The following RIT2 variants were observed in gnomAD, a reference collection of about 807,000 sequenced individuals.
The protein encoded by RIT2 is Ras like without CAAX 2.
RIT2 carries 24 observed loss-of-function variants against 23.7 expected under a neutral mutation model. The ratio of observed to expected loss-of-function variants is 1.01; its 90% confidence interval spans 0.73 to 1.43. RIT2 has a LOEUF of 1.43. RIT2 is among the 40% of genes most tolerant of loss of function. RIT2 has a pLI of 0.00. For missense variants in RIT2, 236 were observed against 266.9 expected (o/e 0.88, Z 0.81); for synonymous variants, 107 against 91.1 (o/e 1.17, Z -0.99).
intron 4 of RIT2, among the ~76,000 whole-genome samples, chr18:42,772,197 C>T (rs566072052): frequency 1.3e-5 from 2 of 152,222 alleles, no homozygotes; most frequent in South Asian, 4.1e-4. Context: ...CACATCAATG[C>T]TAGAATGACA....
At chr18:43,067,501 T>C (rs1279927997) in intron 1 of RIT2, among the ~76,000 whole-genome samples, 1 of 152,166 alleles carries the variant, frequency 6.6e-6, no homozygotes, top group Non-Finnish European at 1.5e-5. Context: ...ATGTAAGATA[T>C]ACATGGGTTC....
intron 4 of RIT2, among the ~76,000 whole-genome samples, chr18:42,778,000 T>G (rs1001741334): frequency 2.0e-5 from 3 of 152,230 alleles, no homozygotes; most frequent in Non-Finnish European, 2.9e-5. Flanking sequence ...TGATCCTCTT[T>G]GCATATTGGT....
chr18:42,960,504 G>A (rs987870136), intron 3 of RIT2, among the ~76,000 whole-genome samples: 8 of 152,002 alleles, frequency 5.3e-5, no homozygotes, highest in Non-Finnish European at 1.2e-4. Context: ...TAGTAGAGAC[G>A]GGGTTTCACC....
intron 4 of RIT2, among the ~76,000 whole-genome samples, chr18:42,760,892 G>A (rs1002997944): frequency 2.0e-5 from 3 of 152,196 alleles, no homozygotes; most frequent in Non-Finnish European, 4.4e-5. Flanking sequence ...ACCACCATGA[G>A]AGGGTAAGGT....
At chr18:42,940,387 T>C (rs546994208) in intron 3 of RIT2, among the ~76,000 whole-genome samples, 9 of 149,116 alleles carry the variant, frequency 6.0e-5, no homozygotes, top group African/African-American at 2.2e-4. Context: ...TAGTTAAATA[T>C]ATATAATTTG....
At chr18:42,868,813 A>G (rs1366968052) in intron 4 of RIT2, among the ~76,000 whole-genome samples, 1 of 152,204 alleles carries the variant, frequency 6.6e-6, no homozygotes, top group Non-Finnish European at 1.5e-5. Context: ...TGGAAATTGG[A>G]ATATCAGAAT....
chr18:43,006,989 A>G (rs922092467), intron 2 of RIT2, among the ~76,000 whole-genome samples: 9 of 151,592 alleles, frequency 5.9e-5, no homozygotes, highest in South Asian at 2.1e-4. Flanking sequence ...TTGTCATCAT[A>G]CTCTTTATTA....
intron 4 of RIT2, among the ~76,000 whole-genome samples, chr18:42,768,827 T>C (rs1214942336): frequency 1.3e-5 from 2 of 152,146 alleles, no homozygotes; most frequent in Non-Finnish European, 2.9e-5. Flanking sequence ...TAGATATTTA[T>C]CACTGCTTGC....
At chr18:42,836,628 A>C (rs1462820453) in intron 4 of RIT2, among the ~76,000 whole-genome samples, 1 of 152,162 alleles carries the variant, frequency 6.6e-6, no homozygotes, top group Non-Finnish European at 1.5e-5. Context: ...AAGAAAAGGA[A>C]CGTTAAGCCC....
rs1907221867 is a variant in RIT2 at position 42,857,679 on chromosome 18, G to C, written c.426+65893C>G. On this transcript the variant is annotated intron_variant, in intron 4 of 4. Transcript: ENST00000326695. Reference sequence around the variant, plus strand: ...AATCACAAAGTAAGAATTGTACAATGAAGTGGCTATGCCCTGGATGTTTTT... The same window carrying C: ...AATCACAAAGTAAGAATTGTACAATCAAGTGGCTATGCCCTGGATGTTTTT... 2.6e-5 allele frequency among the ~76,000 whole-genome samples: 4 copies of C among 152,336 alleles called. No homozygotes were observed. In the South Asian group the frequency reaches 8.3e-4, roughly 32 times the overall value.
In RIT2 at chr18:42,963,188, G is replaced by A. The variant is rs150634518; in HGVS notation, c.234+10886C>T. On this transcript the variant is annotated intron_variant, in intron 3 of 4. Coordinates refer to ENST00000326695, the MANE Select transcript of RIT2 (RefSeq NM_002930.4). ...TGAAATGCAACATATTTCTTTTCCA[G>A]GGCCTTTGAAGATTCTTAGGAATAA... is the stretch of plus-strand genomic sequence containing the variant. Among the ~76,000 whole-genome samples, 941 of 152,160 alleles carry A rather than the reference G, an allele frequency of 6.2e-3. 12 individuals are homozygous for A. The highest frequency in any genetic ancestry group is 0.022 in the African/African-American group (910 of 41,512).
intron 4 of RIT2, among the ~76,000 whole-genome samples, chr18:42,782,583 T>G (rs1913835762): frequency 6.6e-6 from 1 of 152,036 alleles, no homozygotes; most frequent in Admixed American, 6.6e-5. Flanking sequence ...TTTATAAGTG[T>G]AAGACAATTT....
chr18:43,053,266 G>A (rs572000509), intron 1 of RIT2, among the ~76,000 whole-genome samples: 10 of 152,124 alleles, frequency 6.6e-5, no homozygotes, highest in African/African-American at 2.4e-4. Context: ...CATAAGTTAT[G>A]CTCACTTCAT....
rs532306705 is a variant in RIT2, at chr18:43,066,675, G to T, written c.104-32808C>A. Reference sequence around the variant, plus strand: ...GCATAGTAAAATATGGAGATTCAATGGTAGAGAAATTGACAAGGAAGCGCC... The same window carrying T: ...GCATAGTAAAATATGGAGATTCAATTGTAGAGAAATTGACAAGGAAGCGCC... On this transcript the variant is annotated intron_variant, in intron 1 of 4. Transcript: ENST00000326695. Among the ~76,000 whole-genome samples, 13 of 152,140 alleles carry T rather than the reference G, an allele frequency of 8.5e-5. No individual in the cohort carries two copies. In the South Asian group the frequency reaches 2.5e-3, roughly 29 times the overall value.
chr18:42,900,784 A>G (rs1181386068), intron 4 of RIT2, among the ~76,000 whole-genome samples: 2 of 152,072 alleles, frequency 1.3e-5, no homozygotes, highest in East Asian at 1.9e-4. Context: ...GATGTTTGTG[A>G]AAGGGGAAAA....
intron 4 of RIT2, among the ~76,000 whole-genome samples, chr18:42,886,647 T>G (rs536768593): frequency 6.6e-6 from 1 of 152,286 alleles, no homozygotes; most frequent in East Asian, 1.9e-4. Flanking sequence ...TGTGAGAGGA[T>G]TGGCAGATTA....
chr18:42,870,399 C>A (rs562303685), intron 4 of RIT2, among the ~76,000 whole-genome samples: 9 of 152,142 alleles, frequency 5.9e-5, no homozygotes, highest in African/African-American at 1.7e-4. Flanking sequence ...TGCAACCACG[C>A]CTGGCTAATT....
chr18:42,808,213 C>T (rs1234330464), intron 4 of RIT2, among the ~76,000 whole-genome samples: 1 of 152,186 alleles, frequency 6.6e-6, no homozygotes, highest in Non-Finnish European at 1.5e-5. Flanking sequence ...GAGTGAGTTA[C>T]TGCTGAGAAG....
At chr18:42,886,238 T>C (rs932136279) in intron 4 of RIT2, among the ~76,000 whole-genome samples, 2 of 152,220 alleles carry the variant, frequency 1.3e-5, no homozygotes, top group Non-Finnish European at 2.9e-5. Context: ...AAAAGCATCA[T>C]AAAATCTTCA....
Sources: allele counts gnomAD v4.1 joint callset (sites outside exome capture counted in the v4.1 genomes callset), GRCh38; gene constraint gnomAD v4.1.1; transcripts MANE v1.5; gene names NCBI Gene and HGNC (gene_info 2026-07-23, HGNC 2026-07-21).